The following MOB3B variants were observed in gnomAD, a reference collection of about 807,000 sequenced individuals.
MOB3B encodes MOB kinase activator-like 2B.
MOB3B carries 7 observed loss-of-function variants against 18.7 expected under a neutral mutation model. The ratio of observed to expected loss-of-function variants is 0.37; its 90% CI spans 0.21 to 0.70. The LOEUF is 0.70. Ranked by LOEUF, MOB3B falls within the 30% of genes least tolerant of loss-of-function variation. The pLI, the probability that MOB3B is intolerant of heterozygous loss-of-function variation, is 0.52. For synonymous variants in MOB3B, 111 were observed against 99.9 expected (o/e 1.11, Z -0.66); for missense variants, 253 against 281.3 (o/e 0.90, Z 0.72).
intron 3 of MOB3B, among the ~76,000 whole-genome samples, chr9:27,340,267 AAC>A (rs531165224): frequency 7.9e-4 from 120 of 152,340 alleles, no homozygotes; most frequent in Middle Eastern, 3.4e-3. Flanking sequence ...TGGCTAGATA[AAC>A]ACACACACTC....
At chr9:27,388,196 C>G (rs1344281948) in intron 2 of MOB3B, among the ~76,000 whole-genome samples, 1 of 152,144 alleles carries the variant, frequency 6.6e-6, no homozygotes, top group Non-Finnish European at 1.5e-5. Flanking sequence ...TTGCACATAC[C>G]GTTAACTTCC....
At chr9:27,440,957 C>A (rs1293010060) in intron 2 of MOB3B, among the ~76,000 whole-genome samples, 6 of 152,112 alleles carry the variant, frequency 3.9e-5, no homozygotes. Flanking sequence ...TGTTCCACCT[C>A]AGATCGTCAG....
At chr9:27,469,250 G>T (rs1188612144) in intron 1 of MOB3B, among the ~76,000 whole-genome samples, 1 of 152,048 alleles carries the variant, frequency 6.6e-6, no homozygotes, top group Non-Finnish European at 1.5e-5. Context: ...TTACAGGGAT[G>T]AGTCACAGTG....
chr9:27,477,118 T>C (rs1247065612), intron 1 of MOB3B, among the ~76,000 whole-genome samples: 1 of 152,218 alleles, frequency 6.6e-6, no homozygotes, highest in Non-Finnish European at 1.5e-5. Context: ...CTGTGCTTGG[T>C]TGAATACTCC....
At chr9:27,412,977 A>G (rs982390028) in intron 2 of MOB3B, among the ~76,000 whole-genome samples, 24 of 152,210 alleles carry the variant, frequency 1.6e-4, no homozygotes, top group African/African-American at 5.8e-4. Flanking sequence ...CTCCAATGAA[A>G]GGCACCCTTT....
chr9:27,520,022 T>A (rs981874973), intron 1 of MOB3B, among the ~76,000 whole-genome samples: 8 of 152,098 alleles, frequency 5.3e-5, no homozygotes, highest in Non-Finnish European at 1.0e-4. Flanking sequence ...CTGGGCTCAA[T>A]CGCCTAATGA....
intron 3 of MOB3B, among the ~76,000 whole-genome samples, chr9:27,344,788 C>G (rs968152441): frequency 6.6e-6 from 1 of 152,212 alleles, no homozygotes; most frequent in Non-Finnish European, 1.5e-5. Context: ...AAGATGAAAT[C>G]CCTTCTGGAT....
At chr9:27,523,163 T>C (rs909870289) in intron 1 of MOB3B, among the ~76,000 whole-genome samples, 3 of 152,146 alleles carry the variant, frequency 2.0e-5, no homozygotes, top group Non-Finnish European at 2.9e-5. Flanking sequence ...CTTTTTAAAA[T>C]GACAATCCAT....
intron 2 of MOB3B, among the ~76,000 whole-genome samples, chr9:27,375,052 C>T (rs532886641): frequency 6.6e-6 from 1 of 152,284 alleles, no homozygotes; most frequent in African/African-American, 2.4e-5. Flanking sequence ...GTCCACTGGC[C>T]TGCCACCTGC....
At chr9:27,495,364 A>T (rs4879524) in intron 1 of MOB3B, among the ~76,000 whole-genome samples, 60,715 of 150,482 alleles carry the variant, frequency 0.4, 12,722 homozygotes, top group East Asian at 0.53. Context: ...ATAAATAAAT[A>T]AATTAATTAA....
At chr9:27,397,740 T>C (rs1309892838) in intron 2 of MOB3B, among the ~76,000 whole-genome samples, 1 of 152,236 alleles carries the variant, frequency 6.6e-6, no homozygotes, top group Non-Finnish European at 1.5e-5. Context: ...AAGTACTTGA[T>C]AGTTTGTGGA....
At position 27,455,675 on chromosome 9, in the gene MOB3B, A is replaced by T. The variant is rs1181256291; in HGVS notation, c.-125T>A. The T allele has an allele frequency of 2.0e-6, 3 of 1,526,104 alleles. No individual in the cohort carries two copies. The African/African-American group carries it at 4.2e-5, about 21-fold the overall frequency. 94.5% of individuals were successfully genotyped at this position (1,526,104 alleles called of 1,614,324 possible). A position where few individuals can be genotyped will look rare whatever the true frequency, so the allele number is the denominator to read the frequency against. ...CTCAGGCCCCAGTCTTACAGCCTGT[A>T]GCTTTTAAGCTCTTCTAAACAGCCC... On this transcript the variant is annotated 5_prime_UTR_variant, in exon 2 of 4. Transcript: ENST00000262244.
intron 2 of MOB3B, 147 bp downstream of exon 2, chr9:27,454,986 A>T: frequency 5.9e-6 from 5 of 850,890 alleles, no homozygotes; most frequent in Admixed American, 2.7e-5. Flanking sequence ...TTTCATTTCA[A>T]TGAGGCTCTT....
At chr9:27,426,957 G>T (rs1231707897) in intron 2 of MOB3B, among the ~76,000 whole-genome samples, 3 of 152,198 alleles carry the variant, frequency 2.0e-5, no homozygotes, top group African/African-American at 7.2e-5. Context: ...GCTTGTGTGG[G>T]CAAGATGAAT....
intron 1 of MOB3B, among the ~76,000 whole-genome samples, chr9:27,504,750 C>T (rs1294124970): frequency 6.6e-6 from 1 of 152,216 alleles, no homozygotes; most frequent in African/African-American, 2.4e-5. Context: ...TCATTTCCCA[C>T]CCCTACTGTA....
chr9:27,499,548 G>C (rs1181151858), intron 1 of MOB3B, among the ~76,000 whole-genome samples: 2 of 152,154 alleles, frequency 1.3e-5, no homozygotes, highest in Non-Finnish European at 2.9e-5. Context: ...TTCAAAATGA[G>C]TAACTCACAT....
intron 2 of MOB3B, among the ~76,000 whole-genome samples, chr9:27,364,068 A>G (rs1821310986): frequency 6.6e-6 from 1 of 152,208 alleles, no homozygotes. Flanking sequence ...TATGACCTGC[A>G]CTTAGCTTGC....
At chr9:27,446,591 T>A (rs1587221088) in intron 2 of MOB3B, among the ~76,000 whole-genome samples, 2 of 152,310 alleles carry the variant, frequency 1.3e-5, no homozygotes. Context: ...GGACTTTTGA[T>A]CCTTAGTTCT....
chr9:27,473,072 T>C (rs1819497823), intron 1 of MOB3B, among the ~76,000 whole-genome samples: 1 of 152,174 alleles, frequency 6.6e-6, no homozygotes, highest in Non-Finnish European at 1.5e-5. Context: ...TGGTCCTCAT[T>C]TGCTCTCCCT....
Sources: allele counts gnomAD v4.1 joint callset (sites outside exome capture counted in the v4.1 genomes callset), GRCh38; gene constraint gnomAD v4.1.1; transcripts MANE v1.5; gene names NCBI Gene and HGNC (gene_info 2026-07-23, HGNC 2026-07-21).